SEC14L1: variants seen among roughly 807,000 people sequenced by gnomAD.
SEC14L1 encodes SEC14-like protein 1.
Under a neutral mutation model 85.3 loss-of-function variants are expected in SEC14L1, and 48 were observed. The observed-to-expected ratio is 0.56, with a 90% CI of 0.45 to 0.72. The LOEUF is 0.72. Among genes scored for constraint, SEC14L1 ranks in the 30% least tolerant of loss-of-function variants. The pLI, the probability that SEC14L1 is intolerant of heterozygous loss-of-function variation, is 0.00. For synonymous variants in SEC14L1, 391 were observed against 355.5 expected, an observed-to-expected ratio of 1.10 and a Z score of -1.12; for missense variants, 682 against 921.4, an observed-to-expected ratio of 0.74 and a Z score of 3.36.
chr17:77,162,227 C>T (rs992913668), intron 3 of SEC14L1, among the ~76,000 whole-genome samples: 3 of 152,206 alleles, frequency 2.0e-5, no homozygotes, highest in Admixed American at 2.0e-4. Flanking sequence ...ACTGCTGTAT[C>T]CGTCTGCCTG....
intron 3 of SEC14L1, among the ~76,000 whole-genome samples, chr17:77,168,608 G>A (rs1470947112): frequency 6.6e-6 from 1 of 152,180 alleles, no homozygotes; most frequent in Non-Finnish European, 1.5e-5. Flanking sequence ...TGATATGGAG[G>A]TAAGGCCTTG....
At chr17:77,190,438 G>A (rs544498229) in intron 3 of SEC14L1, among the ~76,000 whole-genome samples, 62 of 151,444 alleles carry the variant, frequency 4.1e-4, no homozygotes, top group Middle Eastern at 3.4e-3. Flanking sequence ...CCTTAATACC[G>A]GGGTGACTGA....
At chr17:77,118,853 T>C (rs1173382052) in intron 3 of SEC14L1, among the ~76,000 whole-genome samples, 1 of 152,110 alleles carries the variant, frequency 6.6e-6, no homozygotes, top group Non-Finnish European at 1.5e-5. Flanking sequence ...CCCAAGAGGC[T>C]TAGCATGGGA....
chr17:77,122,627 T>G (rs1472739054), intron 3 of SEC14L1, among the ~76,000 whole-genome samples: 1 of 152,226 alleles, frequency 6.6e-6, no homozygotes, highest in Admixed American at 6.5e-5. Context: ...CTTTGGCATT[T>G]CTGCATTAGA....
intron 7 of SEC14L1, 105 bp from the exon 8 acceptor site, chr17:77,196,097 C>T: frequency 1.2e-6 from 1 of 812,680 alleles, no homozygotes; most frequent in Admixed American, 2.1e-5. Flanking sequence ...GTTTCATGTG[C>T]CTCTAGGACT....
intron 3 of SEC14L1, among the ~76,000 whole-genome samples, chr17:77,155,291 AAAACACACACCCCAACAGAAAC>A (rs1385035092): frequency 2.6e-5 from 4 of 152,100 alleles, no homozygotes; most frequent in Admixed American, 2.0e-4. Context: ...GCCTGCGCAA[AAAACACACACCCCAACAGAAAC>A]AAACACACAC....
chr17:77,092,009 G>A lies in SEC14L1; in HGVS notation c.-239-1235G>A, dbSNP rs190766115. ...GTGTTTTTAGTAGAGACGGGGTTTC[G>A]CCATTTTGGCCACGCTGGTCTTGAA... On this transcript the variant is annotated intron_variant, in intron 2 of 19. Coordinates refer to the SEC14L1 transcript ENST00000392476. Among the ~76,000 whole-genome samples, 6 of 152,026 alleles carry A rather than the reference G, an allele frequency of 3.9e-5. No individual in the cohort carries two copies. In the East Asian group the frequency reaches 5.8e-4, roughly 15 times the overall value.
intron 3 of SEC14L1, among the ~76,000 whole-genome samples, chr17:77,144,386 A>G (rs1411206795): frequency 1.3e-5 from 2 of 152,202 alleles, no homozygotes; most frequent in Non-Finnish European, 1.5e-5. Context: ...GAACATGGCA[A>G]CCCAGGAAGA....
intron 3 of SEC14L1, among the ~76,000 whole-genome samples, chr17:77,159,087 A>G (rs9897192): frequency 1 from 150,996 of 151,006 alleles, 75,493 homozygotes; most frequent in Middle Eastern, 1. Flanking sequence ...TTGTTTCTGA[A>G]ATAAACTTTC....
At chr17:77,132,551 C>T (rs969887182) in intron 3 of SEC14L1, among the ~76,000 whole-genome samples, 1 of 152,242 alleles carries the variant, frequency 6.6e-6, no homozygotes, top group East Asian at 1.9e-4. Flanking sequence ...AACACAACCC[C>T]CCAGCATGGG....
intron 2 of SEC14L1, among the ~76,000 whole-genome samples, chr17:77,091,488 C>T (rs1000421538): frequency 1.3e-5 from 2 of 152,220 alleles, no homozygotes; most frequent in Non-Finnish European, 2.9e-5. Flanking sequence ...GCAGCACTTT[C>T]TGCAATGATG....
intron 3 of SEC14L1, among the ~76,000 whole-genome samples, chr17:77,149,140 G>A (rs1208149242): frequency 2.0e-5 from 3 of 152,018 alleles, no homozygotes; most frequent in African/African-American, 4.8e-5. Flanking sequence ...TCCCTTCCCC[G>A]GGACACATTC....
At chr17:77,189,438 T>A (rs1447009898) in intron 3 of SEC14L1, among the ~76,000 whole-genome samples, 2 of 152,158 alleles carry the variant, frequency 1.3e-5, no homozygotes, top group Non-Finnish European at 2.9e-5. Flanking sequence ...CAAGAGGGAC[T>A]CCATTTTGGT....
chr17:77,126,207 A>G (rs193302822), intron 3 of SEC14L1, among the ~76,000 whole-genome samples: 104 of 152,292 alleles, frequency 6.8e-4, no homozygotes, highest in Non-Finnish European at 1.2e-3. Context: ...CTGGAGTCAG[A>G]CTGTTGGGTT....
At chr17:77,176,621 C>T (rs1224971197) in intron 3 of SEC14L1, among the ~76,000 whole-genome samples, 1 of 152,186 alleles carries the variant, frequency 6.6e-6, no homozygotes, top group Non-Finnish European at 1.5e-5. Context: ...GAGTCTCGCT[C>T]TGTTGTCCAG....
At chr17:77,167,285 GTAC>G (rs1283722396) in intron 3 of SEC14L1, among the ~76,000 whole-genome samples, 1 of 151,702 alleles carries the variant, frequency 6.6e-6, no homozygotes, top group Non-Finnish European at 1.5e-5. Context: ...CAAGCACGCA[GTAC>G]TACACCCAGC....
chr17:77,088,828 C>T (rs1188196867), exon 1 of SEC14L1: 1 of 153,152 alleles, frequency 6.5e-6, no homozygotes, highest in Admixed American at 6.5e-5. Context: ...GAATTGGGCT[C>T]GCCCCGGGAC....
At chr17:77,121,141 T>C (rs567579326) in intron 3 of SEC14L1, among the ~76,000 whole-genome samples, 4 of 152,296 alleles carry the variant, frequency 2.6e-5, no homozygotes, top group South Asian at 4.1e-4. Context: ...GCCAGTTACA[T>C]GAGCTCTCTC....
intron 3 of SEC14L1, among the ~76,000 whole-genome samples, chr17:77,184,781 A>G (rs1975193549): frequency 6.6e-6 from 1 of 152,180 alleles, no homozygotes; most frequent in African/African-American, 2.4e-5. Context: ...ACCCCTTCCA[A>G]TGGAAAGAGC....
Sources: gnomAD v4.1 joint callset for allele counts (sites outside exome capture counted in the v4.1 genomes callset) on GRCh38, gnomAD v4.1.1 for gene constraint, MANE v1.5 for transcripts, NCBI Gene and HGNC (gene_info 2026-07-23, HGNC 2026-07-21) for gene names.